Variants in COL13A1 observed in about 807,000 individuals in gnomAD.
COL13A1 encodes collagen type XIII alpha 1 chain.
A neutral mutation model predicts 130.9 loss-of-function variants in COL13A1; 89 were observed. The observed-to-expected ratio is 0.68, with a 90% CI of 0.57 to 0.81. The LOEUF (loss-of-function observed/expected upper bound fraction) is 0.81, where lower values mean the gene tolerates loss of function less well. COL13A1 is among the 30% of genes least tolerant of loss of function. The probability of loss-of-function intolerance (pLI) is 0.00; values close to 1 mark genes in which losing one functional copy is unlikely to be tolerated. For synonymous variants in COL13A1, 402 were observed against 341.6 expected, an observed-to-expected ratio of 1.18 and a Z score of -1.95; for missense variants, 879 against 934.6, an observed-to-expected ratio of 0.94 and a Z score of 0.78.
chr10:69,809,332 T>C (rs527927629), intron 1 of COL13A1, among the ~76,000 whole-genome samples: 58 of 152,326 alleles, frequency 3.8e-4, no homozygotes, highest in African/African-American at 1.2e-3. Flanking sequence ...GTCTACAACT[T>C]TTATTAGTAG....
chr10:69,931,315 C>G (rs981845522), intron 30 of COL13A1: 1 of 431,006 alleles, frequency 2.3e-6, no homozygotes, highest in African/African-American at 2.0e-5. Context: ...TGAGGGTCCT[C>G]CTGGGGGCCA....
rs555259357 is a variant in COL13A1, at chr10:69,947,324, C to G, written c.2040C>G (p.Pro680=). ...AAGLPGLHGP[P]GDKGNRGERG... is the part of the protein sequence containing the mutation. The stretch of plus-strand genomic sequence containing the variant: ...TCTTGCAGGGTTTACATGGACCACC[C>G]GGGGACAAGGGAAACCGGGTGAGTC... Residue 680 remains proline, a synonymous_variant, in exon 38 of 41, where the codon CCC becomes CCG. Transcript: ENST00000645393. 1.1e-5 allele frequency: 17 copies of G among 1,612,918 alleles called. No individual in the cohort carries two copies. In the South Asian group the frequency reaches 1.8e-4, roughly 17 times the overall value.
At chr10:69,918,759 C>G (rs1218300306) in intron 19 of COL13A1, among the ~76,000 whole-genome samples, 4 of 152,238 alleles carry the variant, frequency 2.6e-5, no homozygotes, top group Admixed American at 1.3e-4. Flanking sequence ...GGTGCACTTA[C>G]AGGGGGCACC....
intron 2 of COL13A1, among the ~76,000 whole-genome samples, chr10:69,836,484 C>A (rs927208892): frequency 1.3e-5 from 2 of 152,080 alleles, no homozygotes; most frequent in African/African-American, 4.8e-5. Context: ...TCCTACCATG[C>A]AAAGGGGAGC....
intron 17 of COL13A1, among the ~76,000 whole-genome samples, chr10:69,915,070 A>G (rs1231677768): frequency 6.6e-6 from 1 of 152,278 alleles, no homozygotes; most frequent in Non-Finnish European, 1.5e-5. Context: ...GTACCTTGGC[A>G]TAACAGACAA....
chr10:69,879,981 C>T (rs1187878887), intron 6 of COL13A1, among the ~76,000 whole-genome samples: 1 of 152,150 alleles, frequency 6.6e-6, no homozygotes, highest in Non-Finnish European at 1.5e-5. Flanking sequence ...GTCCCATTCT[C>T]GGGCAGGTCA....
intron 1 of COL13A1, among the ~76,000 whole-genome samples, chr10:69,815,335 G>A (rs1844186184): frequency 6.6e-6 from 1 of 152,198 alleles, no homozygotes; most frequent in Non-Finnish European, 1.5e-5. Flanking sequence ...GTGAGTAGCT[G>A]CCTGGCATTT....
chr10:69,888,385 G>C, intron 9 of COL13A1, 55 bp downstream of exon 9: 1 of 1,592,962 alleles, frequency 6.3e-7, no homozygotes, highest in Non-Finnish European at 8.6e-7. Context: ...GGATCTCTTG[G>C]TCATTCTGCA....
At chr10:69,803,073 G>A (rs1251164824) in intron 1 of COL13A1, among the ~76,000 whole-genome samples, 1 of 152,184 alleles carries the variant, frequency 6.6e-6, no homozygotes, top group Non-Finnish European at 1.5e-5. Context: ...TGGTGTGACA[G>A]CCGCCCCGCG....
At chr10:69,897,958 G>A (rs540408489) in intron 13 of COL13A1, among the ~76,000 whole-genome samples, 152 of 152,174 alleles carry the variant, frequency 1.0e-3, no homozygotes, top group African/African-American at 3.4e-3. Flanking sequence ...GTTGCCTCCC[G>A]CAAAAACGTG....
intron 38 of COL13A1, among the ~76,000 whole-genome samples, chr10:69,951,801 G>A (rs117007738): frequency 0.015 from 2,352 of 152,266 alleles, 43 homozygotes; most frequent in Admixed American, 0.046. Flanking sequence ...GTTCTAATAC[G>A]CTGCCCAGCA....
At chr10:69,900,635 G>A (rs564074049) in intron 14 of COL13A1, among the ~76,000 whole-genome samples, 1 of 152,336 alleles carries the variant, frequency 6.6e-6, no homozygotes, top group African/African-American at 2.4e-5. Flanking sequence ...GGCTCTACAA[G>A]CCGCTTAAAC....
At position 69,898,687 on chromosome 10, in the gene COL13A1, TTC is replaced by T. The variant is rs764484500; in HGVS notation, c.685-7_685-6del. 40 of 1,612,260 alleles carry T rather than the reference TTC, an allele frequency of 2.5e-5. No individual in the cohort carries two copies. In the African/African-American group the frequency reaches 4.1e-4, roughly 17 times the overall value. Reference sequence around the variant, plus strand: ...TGCCCTCTGGCCCTCCAACTCATCTTTCTCCTCAGCTGCTGCCTCTCCTCAAT... The same window carrying T: ...TGCCCTCTGGCCCTCCAACTCATCTTTCCTCAGCTGCTGCCTCTCCTCAAT... On this transcript the variant is annotated splice_polypyrimidine_tract_variant and splice_region_variant and intron_variant, in intron 13 of 40. Coordinates refer to ENST00000645393, the MANE Select transcript of COL13A1 (RefSeq NM_001368882.1).
Position 69,940,523 on chromosome 10 carries a change from C to T in COL13A1, c.1879-465C>T, listed in dbSNP as rs75488746. 2.4e-4 allele frequency among the ~76,000 whole-genome samples: 37 copies of T among 152,302 alleles called. No individual in the cohort carries two copies. The East Asian group carries it at 7.2e-3, about 29-fold the overall frequency. On this transcript the variant is annotated intron_variant, in intron 34 of 40. Coordinates refer to ENST00000645393, the MANE Select transcript of COL13A1 (RefSeq NM_001368882.1). Reference sequence around the variant, plus strand: ...CAGGGGCACCCCAGCATGGCCTGATCCAAACAGGAATGCAAAGAGGCTGGG... The same window carrying T: ...CAGGGGCACCCCAGCATGGCCTGATTCAAACAGGAATGCAAAGAGGCTGGG...
chr10:69,869,225 A>C (rs908123321), intron 3 of COL13A1, among the ~76,000 whole-genome samples: 3 of 152,256 alleles, frequency 2.0e-5, no homozygotes, highest in Admixed American at 1.3e-4. Flanking sequence ...CATGAGGTGG[A>C]GGGGATGAGT....
intron 1 of COL13A1, among the ~76,000 whole-genome samples, chr10:69,805,088 G>A (rs543898892): frequency 4.6e-5 from 7 of 152,260 alleles, no homozygotes; most frequent in East Asian, 3.9e-4. Context: ...CCAGGACCCC[G>A]GAGGACTGGG....
At chr10:69,855,541 ACTAATTG>A (rs1293258736) in intron 2 of COL13A1, among the ~76,000 whole-genome samples, 1 of 152,238 alleles carries the variant, frequency 6.6e-6, no homozygotes, top group Non-Finnish European at 1.5e-5. Flanking sequence ...TTAGCTAATT[ACTAATTG>A]CTGTATATGT....
At chr10:69,853,841 G>A (rs144972803) in intron 2 of COL13A1, among the ~76,000 whole-genome samples, 2 of 152,330 alleles carry the variant, frequency 1.3e-5, no homozygotes, top group South Asian at 2.1e-4. Context: ...CTCTGTGAAC[G>A]TAGGTATGCG....
chr10:69,892,999 T>A (rs927831942), intron 10 of COL13A1, among the ~76,000 whole-genome samples: 1 of 152,154 alleles, frequency 6.6e-6, no homozygotes, highest in Non-Finnish European at 1.5e-5. Flanking sequence ...CCTGGTCACC[T>A]GTGGTCTGGG....
Sources: gnomAD v4.1 joint callset for allele counts (sites outside exome capture counted in the v4.1 genomes callset) on GRCh38, gnomAD v4.1.1 for gene constraint, MANE v1.5 for transcripts, NCBI Gene and HGNC (gene_info 2026-07-23, HGNC 2026-07-21) for gene names.